The following PRMT8 variants were observed in gnomAD, a reference collection of about 807,000 sequenced individuals.
PRMT8 encodes protein arginine methyltransferase 8.
In PRMT8, 7 loss-of-function variants were observed where a neutral mutation model predicts 47.1. The ratio of observed to expected loss-of-function variants is 0.15; its 90% CI spans 0.08 to 0.28. PRMT8 has a LOEUF of 0.28. PRMT8 is among the 10% of genes least tolerant of loss of function. PRMT8 has a pLI of 1.00. For synonymous variants in PRMT8, 188 were observed against 186.5 expected (o/e 1.01, Z -0.07); for missense variants, 237 against 505.4 (o/e 0.47, Z 5.09).
intron 1 of PRMT8, among the ~76,000 whole-genome samples, chr12:3,439,222 G>A (rs1175356822): frequency 1.3e-5 from 2 of 152,102 alleles, no homozygotes; most frequent in African/African-American, 4.8e-5. Flanking sequence ...TCTCAACTTT[G>A]TATGACTTGT....
At chr12:3,562,262 C>T (rs992683950) in intron 4 of PRMT8, among the ~76,000 whole-genome samples, 3 of 152,152 alleles carry the variant, frequency 2.0e-5, no homozygotes, top group Non-Finnish European at 4.4e-5. Context: ...CTGCTGGCAA[C>T]TGCTACTTCC....
chr12:3,466,912 C>T (rs1865102093), intron 1 of PRMT8, among the ~76,000 whole-genome samples: 1 of 152,140 alleles, frequency 6.6e-6, no homozygotes, highest in Non-Finnish European at 1.5e-5. Context: ...CCCAGAGTGG[C>T]CACTGTAATT....
chr12:3,535,742 G>T lies in PRMT8; in HGVS notation c.76-4864G>T, dbSNP rs1377288239. Among the ~76,000 whole-genome samples, 1 of 152,184 alleles carries T rather than the reference G, an allele frequency of 6.6e-6. No individual in the cohort carries two copies. The highest frequency in any genetic ancestry group is 1.5e-5 in the Non-Finnish European group (1 of 68,032). On this transcript the variant is annotated intron_variant, in intron 1 of 9. Coordinates refer to ENST00000382622, the MANE Select transcript of PRMT8 (RefSeq NM_019854.5). The surrounding 1 kb of genome is among the most constrained non-coding windows in gnomAD (Gnocchi z 4.7). ...CAGTGGGGAGGGACTTGGGCACAGG[G>T]AGCAAATTGGAGGTGAGAAAGCTGC...
At chr12:3,581,453 C>T (rs148067857) in intron 7 of PRMT8, among the ~76,000 whole-genome samples, 1 of 152,228 alleles carries the variant, frequency 6.6e-6, no homozygotes, top group East Asian at 1.9e-4. Flanking sequence ...GTGAATTCTC[C>T]ATCCCTAAAG....
chr12:3,564,470 T>A lies in PRMT8; in HGVS notation c.482-4236T>A, dbSNP rs916814057. Among the ~76,000 whole-genome samples the A allele has an allele frequency of 7.9e-5, 12 of 152,130 alleles. No homozygotes were observed. Among genetic ancestry groups the A allele is most frequent in the Non-Finnish European group, 1.6e-4 (11 of 68,030 alleles). ...AACCACTCAAACCAAAAAGAAAAAA[T>A]TCCACTCAAAACCATTTTTAAAAAT... On this transcript the variant is annotated intron_variant, in intron 4 of 9. Coordinates refer to ENST00000382622, the MANE Select transcript of PRMT8 (RefSeq NM_019854.5). This position sits in a 1 kb window ranked among gnomAD's most constrained non-coding sequence, Gnocchi z 4.0.
upstream of PRMT8, among the ~76,000 whole-genome samples, chr12:3,486,722 A>G (rs1243536392): frequency 6.6e-6 from 1 of 152,226 alleles, no homozygotes; most frequent in Admixed American, 6.5e-5. Flanking sequence ...TAACAAGAGT[A>G]TTCAACTTTT....
intron 1 of PRMT8, among the ~76,000 whole-genome samples, chr12:3,518,822 G>A (rs1865834159): frequency 6.6e-6 from 1 of 152,128 alleles, no homozygotes; most frequent in South Asian, 2.1e-4. Flanking sequence ...GACCAAATAA[G>A]AAAATACTCA....
chr12:3,543,350 G>T (rs1866267205), intron 2 of PRMT8, among the ~76,000 whole-genome samples: 1 of 152,186 alleles, frequency 6.6e-6, no homozygotes, highest in South Asian at 2.1e-4. Flanking sequence ...CAGAGAGAAG[G>T]CCTACCCAGT....
chr12:3,404,808 A>G (rs551493984), intron 1 of PRMT8, among the ~76,000 whole-genome samples: 21 of 152,360 alleles, frequency 1.4e-4, no homozygotes, highest in African/African-American at 4.3e-4. Context: ...TTGTTAAAAT[A>G]TATTAAAACT....
intron 1 of PRMT8, among the ~76,000 whole-genome samples, chr12:3,398,261 T>TG (rs1284497658): frequency 6.6e-6 from 1 of 152,030 alleles, no homozygotes; most frequent in Non-Finnish European, 1.5e-5. Flanking sequence ...CTGCAGGTAA[T>TG]GGGGGGGCCT....
At chr12:3,488,838 G>A (rs952833907), upstream of PRMT8, among the ~76,000 whole-genome samples, 2 of 152,328 alleles carry the variant, frequency 1.3e-5, no homozygotes, top group Admixed American at 1.3e-4. Flanking sequence ...CATAAGATGT[G>A]AATGTTCAGG....
At chr12:3,446,406 G>T (rs1411843396) in intron 1 of PRMT8, among the ~76,000 whole-genome samples, 1 of 151,958 alleles carries the variant, frequency 6.6e-6, no homozygotes, top group East Asian at 1.9e-4. Context: ...GCACCGCCTC[G>T]GCCCCCAGCC....
intron 1 of PRMT8, among the ~76,000 whole-genome samples, chr12:3,533,887 C>T (rs924443236): frequency 3.9e-5 from 6 of 152,244 alleles, no homozygotes; most frequent in African/African-American, 1.4e-4. Flanking sequence ...TATCTAAAGG[C>T]AGGCAGATGG....
chr12:3,575,191 G>A (rs1282017041), intron 6 of PRMT8, among the ~76,000 whole-genome samples: 6 of 152,142 alleles, frequency 3.9e-5, no homozygotes, highest in African/African-American at 1.4e-4. Context: ...GAAGCTCTTT[G>A]TGTGCCTTAT....
intron 1 of PRMT8, among the ~76,000 whole-genome samples, chr12:3,418,307 G>C (rs1267715850): frequency 6.6e-6 from 1 of 152,222 alleles, no homozygotes; most frequent in Non-Finnish European, 1.5e-5. Flanking sequence ...TAAGTCCCGT[G>C]TTTAAGAACT....
upstream of PRMT8, among the ~76,000 whole-genome samples, chr12:3,486,934 G>A (rs183471874): frequency 4.2e-4 from 64 of 152,370 alleles, 1 homozygote; most frequent in African/African-American, 1.4e-3. Flanking sequence ...TTGCTTTGCA[G>A]GTATTGGTGG....
intron 4 of PRMT8, among the ~76,000 whole-genome samples, chr12:3,565,556 G>A (rs1257573625): frequency 6.6e-6 from 1 of 152,156 alleles, no homozygotes; most frequent in Admixed American, 6.5e-5. Context: ...GTAGAAGGGT[G>A]ATGTTAAGAG....
chr12:3,542,810 T>G (rs1866254751), intron 2 of PRMT8, among the ~76,000 whole-genome samples: 1 of 152,232 alleles, frequency 6.6e-6, no homozygotes, highest in African/African-American at 2.4e-5. Flanking sequence ...ATTACCGATC[T>G]CTATAATTCC....
chr12:3,510,433 A>T (rs74450151), intron 1 of PRMT8, among the ~76,000 whole-genome samples: 4 of 152,230 alleles, frequency 2.6e-5, no homozygotes, highest in Non-Finnish European at 4.4e-5. Context: ...ACACAAAGCA[A>T]TGACAACTGT....
Sources: gnomAD v4.1 joint callset for allele counts (sites outside exome capture counted in the v4.1 genomes callset) on GRCh38, gnomAD v4.1.1 for gene constraint, Gnocchi (gnomAD v3.1) non-coding constraint, MANE v1.5 for transcripts, NCBI Gene and HGNC (gene_info 2026-07-23, HGNC 2026-07-21) for gene names.